The following FRMD4A variants were observed in gnomAD, a reference collection of about 807,000 sequenced individuals.
The protein encoded by FRMD4A is FERM domain-containing protein 4A.
FRMD4A carries 29 observed loss-of-function variants against 129.1 expected under a neutral mutation model. That is an observed-to-expected ratio of 0.22 (90% CI 0.17 to 0.31). FRMD4A has a LOEUF of 0.31. FRMD4A is among the 10% of genes least tolerant of loss of function. The pLI is 1.00. For missense variants in FRMD4A, 1,272 were observed against 1,375.8 expected, an observed-to-expected ratio of 0.92 and a Z score of 1.19; for synonymous variants, 634 against 571.6, an observed-to-expected ratio of 1.11 and a Z score of -1.56.
intron 2 of FRMD4A, among the ~76,000 whole-genome samples, chr10:14,239,582 G>T (rs1250978181): frequency 6.6e-6 from 1 of 152,026 alleles, no homozygotes; most frequent in Non-Finnish European, 1.5e-5. Context: ...AGCCGAGATT[G>T]CGCCACTGCA....
intron 2 of FRMD4A, among the ~76,000 whole-genome samples, chr10:14,315,852 G>A (rs953345247): frequency 1.3e-5 from 2 of 152,208 alleles, no homozygotes; most frequent in Admixed American, 1.3e-4. Context: ...TTACTCATGT[G>A]ACAGATGTCC....
At chr10:14,233,013 G>C (rs972193662) in intron 2 of FRMD4A, among the ~76,000 whole-genome samples, 2 of 152,142 alleles carry the variant, frequency 1.3e-5, no homozygotes, top group African/African-American at 4.8e-5. Context: ...TTTTGAGACA[G>C]GTATTTCAAC....
At chr10:14,254,189 A>G (rs1036910495) in intron 2 of FRMD4A, among the ~76,000 whole-genome samples, 1 of 152,214 alleles carries the variant, frequency 6.6e-6, no homozygotes, top group Admixed American at 6.5e-5. Flanking sequence ...TCCATGGAAC[A>G]TGATGGCACC....
chr10:14,282,103 C>T (rs938253202), intron 2 of FRMD4A, among the ~76,000 whole-genome samples: 1 of 152,136 alleles, frequency 6.6e-6, no homozygotes, highest in Non-Finnish European at 1.5e-5. Context: ...ATAAAACCAT[C>T]AGATCTAATG....
intron 2 of FRMD4A, among the ~76,000 whole-genome samples, chr10:14,288,892 T>G (rs1356167949): frequency 3.9e-5 from 6 of 152,210 alleles, no homozygotes; most frequent in Non-Finnish European, 7.3e-5. Context: ...CTTCTATGCA[T>G]GGCTTATTTC....
At chr10:13,948,054 GAAA>G (rs80191339) in intron 2 of FRMD4A, among the ~76,000 whole-genome samples, 1 of 136,468 alleles carries the variant, frequency 7.3e-6, no homozygotes, top group African/African-American at 2.8e-5. Flanking sequence ...AAAGTAAATT[GAAA>G]AAAAAAAAAA....
chr10:13,645,721 A>T lies in FRMD4A; in HGVS notation c.*1317T>A, dbSNP rs1332750461. 6.6e-6 allele frequency: 1 copy of T among 152,500 alleles called. No homozygotes were observed. The highest frequency in any genetic ancestry group is 1.9e-4 in the East Asian group (1 of 5,198). 9.4% of individuals were successfully genotyped at this position (152,500 alleles called of 1,614,324 possible). A position where few individuals can be genotyped will look rare whatever the true frequency, so the allele number is the denominator to read the frequency against. On this transcript the variant is annotated 3_prime_UTR_variant, in exon 25 of 25. Coordinates refer to ENST00000357447, the MANE Select transcript of FRMD4A (RefSeq NM_018027.5). ...CACACGAGTCAAATCTTTCTACCTA[A>T]GGGCATAGTTGGGTTCTTGGAATAA...
At chr10:14,280,401 C>T (rs1445385690) in intron 2 of FRMD4A, among the ~76,000 whole-genome samples, 3 of 152,054 alleles carry the variant, frequency 2.0e-5, no homozygotes, top group Admixed American at 6.6e-5. Flanking sequence ...CTGCTTCAGC[C>T]CCCTGATTAG....
chr10:14,015,579 G>C (rs560626025), intron 2 of FRMD4A, among the ~76,000 whole-genome samples: 1 of 152,064 alleles, frequency 6.6e-6, no homozygotes. Flanking sequence ...AGAGGGTGTG[G>C]TGTTCTAGGA....
intron 2 of FRMD4A, among the ~76,000 whole-genome samples, chr10:14,242,366 AT>A (rs1482679029): frequency 6.6e-6 from 1 of 152,178 alleles, no homozygotes; most frequent in African/African-American, 2.4e-5. Flanking sequence ...CCTCAAGCTA[AT>A]TTTATTCTCA....
intron 2 of FRMD4A, among the ~76,000 whole-genome samples, chr10:14,095,014 CTG>C (rs149010811): frequency 2.6e-5 from 4 of 151,866 alleles, no homozygotes; most frequent in African/African-American, 7.3e-5. Flanking sequence ...GGATGTATAT[CTG>C]TGTGTGTGTA....
intron 2 of FRMD4A, among the ~76,000 whole-genome samples, chr10:14,291,018 GA>G (rs1448946462): frequency 6.6e-6 from 1 of 151,994 alleles, no homozygotes; most frequent in African/African-American, 2.4e-5. Context: ...GAAATAAAAT[GA>G]AAAAACCCAA....
At chr10:13,827,402 C>A (rs2093719291) in intron 3 of FRMD4A, among the ~76,000 whole-genome samples, 1 of 152,176 alleles carries the variant, frequency 6.6e-6, no homozygotes, top group South Asian at 2.1e-4. Flanking sequence ...CGAAACCCGA[C>A]AGGATATTCT....
chr10:13,746,243 G>A (rs1292968067), intron 9 of FRMD4A, among the ~76,000 whole-genome samples: 1 of 151,924 alleles, frequency 6.6e-6, no homozygotes, highest in Admixed American at 6.6e-5. Context: ...ATGGACTCTC[G>A]CTCTGTCGCC....
chr10:13,644,327 T>C lies in FRMD4A; in HGVS notation c.*2711A>G, dbSNP rs1053996633. The C allele has an allele frequency of 6.6e-6, 1 of 152,246 alleles. No individual in the cohort carries two copies. Among genetic ancestry groups the C allele is most frequent in the Non-Finnish European group, 1.5e-5 (1 of 68,038 alleles). 9.4% of individuals were successfully genotyped at this position (152,246 alleles called of 1,614,324 possible). ...GAAATAGGGATAAAGAGTTTGCAAGTGCTTGTGTACAATAACTACATCATT... is the reference window on the plus strand; with the variant it reads ...GAAATAGGGATAAAGAGTTTGCAAGCGCTTGTGTACAATAACTACATCATT... On this transcript the variant is annotated 3_prime_UTR_variant, in exon 25 of 25. Coordinates refer to ENST00000357447, the MANE Select transcript of FRMD4A (RefSeq NM_018027.5).
Position 13,989,862 on chromosome 10 carries a change from G to T in FRMD4A, c.46-130950C>A, listed in dbSNP as rs557898565. 1.3e-4 allele frequency among the ~76,000 whole-genome samples: 20 copies of T among 152,332 alleles called. No individual in the cohort carries two copies. The South Asian group carries it at 4.1e-3, about 32-fold the overall frequency. ...ATGGAACATGCTTAGATGAAAGAAT[G>T]ATTCATTGTTTATTGAAATTTGATG... On this transcript the variant is annotated intron_variant, in intron 2 of 24. Coordinates refer to ENST00000357447, the MANE Select transcript of FRMD4A (RefSeq NM_018027.5).
intron 2 of FRMD4A, among the ~76,000 whole-genome samples, chr10:14,289,211 C>T (rs1845775867): frequency 6.6e-6 from 1 of 152,064 alleles, no homozygotes; most frequent in African/African-American, 2.4e-5. Context: ...TGTATAGTGG[C>T]TGCACAATTT....
intron 2 of FRMD4A, among the ~76,000 whole-genome samples, chr10:13,902,684 C>T (rs2094834677): frequency 6.6e-6 from 1 of 151,524 alleles, no homozygotes. Context: ...TACTAAAACA[C>T]AAAAAAATAG....
chr10:13,820,981 G>C (rs2093621757), intron 3 of FRMD4A, among the ~76,000 whole-genome samples: 1 of 152,210 alleles, frequency 6.6e-6, no homozygotes, highest in South Asian at 2.1e-4. Context: ...GGAAAGAGCA[G>C]GGGAAGGAGC....
Sources: gnomAD v4.1 joint callset for allele counts (sites outside exome capture counted in the v4.1 genomes callset) on GRCh38, gnomAD v4.1.1 for gene constraint, MANE v1.5 for transcripts, NCBI Gene and HGNC (gene_info 2026-07-23, HGNC 2026-07-21) for gene names.